The following HAUS8 variants were observed in gnomAD, a reference collection of about 807,000 sequenced individuals.
The protein encoded by HAUS8 is HAUS augmin-like complex subunit 8.
A neutral mutation model predicts 42.9 loss-of-function variants in HAUS8; 38 were observed. The observed-to-expected ratio is 0.89, with a 90% CI of 0.68 to 1.16. The LOEUF is 1.16. Among genes scored for constraint, HAUS8 ranks in the 50% most tolerant of loss-of-function variants. HAUS8 has a pLI of 0.00. For missense variants in HAUS8, 494 were observed against 511.6 expected (o/e 0.97, Z 0.33); for synonymous variants, 199 against 205.8 (o/e 0.97, Z 0.28).
At chr19:17,055,766 G>A in intron 9 of HAUS8, 95 bp downstream of exon 9, 1 of 1,343,762 alleles carries the variant, frequency 7.4e-7, no homozygotes, top group Non-Finnish European at 1.0e-6. Context: ...TGGGGAAGAG[G>A]GCACTTGCGG....
At chr19:17,068,099 CTTTTTTTTTTT>C (rs889723027) in intron 3 of HAUS8, among the ~76,000 whole-genome samples, 33 of 93,480 alleles carry the variant, frequency 3.5e-4, no homozygotes, top group Admixed American at 1.6e-3. Context: ...TTATTTTATT[CTTTTTTTTTTT>C]TTTTTTTTTT....
intron 1 of HAUS8, chr19:17,074,644 G>T (rs1185797190): frequency 6.6e-6 from 1 of 152,480 alleles, no homozygotes; most frequent in Non-Finnish European, 1.5e-5. Context: ...CGACCTGAGG[G>T]GGGTCCCTAC....
intron 8 of HAUS8, among the ~76,000 whole-genome samples, chr19:17,058,240 C>T (rs1192656155): frequency 6.6e-6 from 1 of 152,244 alleles, no homozygotes; most frequent in Admixed American, 6.5e-5. Context: ...GTACCCTGAC[C>T]CTGCAGGGGA....
intron 8 of HAUS8, among the ~76,000 whole-genome samples, chr19:17,057,033 C>T (rs2057331034): frequency 6.6e-6 from 1 of 152,188 alleles, no homozygotes; most frequent in South Asian, 2.1e-4. Flanking sequence ...GCATATGCCA[C>T]CACACTTGGC....
At chr19:17,070,695 G>A (rs542487552) in intron 2 of HAUS8, among the ~76,000 whole-genome samples, 11 of 152,274 alleles carry the variant, frequency 7.2e-5, no homozygotes, top group African/African-American at 2.6e-4. Flanking sequence ...TAGAGCCCCA[G>A]GGGCCCAGGA....
At chr19:17,075,198 C>T (rs1040256672) in intron 1 of HAUS8, 196 bp downstream of exon 1, 2 of 619,206 alleles carry the variant, frequency 3.2e-6, no homozygotes, top group Middle Eastern at 3.3e-4. Flanking sequence ...GGACGCGGAA[C>T]TCAGGGCCGG....
rs962522300 is a variant in HAUS8 at position 17,059,932 on chromosome 19, G to C, written c.325+65C>G. The C allele has an allele frequency of 5.2e-6, 6 of 1,151,924 alleles. No homozygotes were observed. In the Admixed American group the frequency reaches 6.9e-5, roughly 13 times the overall value. 71.4% of individuals were successfully genotyped at this position (1,151,924 alleles called of 1,614,324 possible). A position where few individuals can be genotyped will look rare whatever the true frequency, so the allele number is the denominator to read the frequency against. ...CCCCACTGTAGGCCAATTGTACTTT[G>C]GAAGCCCACTGAGACCTACTGCAAC... On this transcript the variant is annotated intron_variant, in intron 5 of 10. Coordinates refer to ENST00000253669, the MANE Select transcript of HAUS8 (RefSeq NM_033417.2).
At chr19:17,062,096 A>C (rs2057364323) in intron 4 of HAUS8, among the ~76,000 whole-genome samples, 1 of 152,150 alleles carries the variant, frequency 6.6e-6, no homozygotes, top group Admixed American at 6.5e-5. Flanking sequence ...GGTTGTTTTT[A>C]ATGTTACAAA....
intron 2 of HAUS8, among the ~76,000 whole-genome samples, chr19:17,070,478 T>G (rs138786548): frequency 6.6e-6 from 1 of 152,310 alleles, no homozygotes; most frequent in Non-Finnish European, 1.5e-5. Context: ...CTTATCACTT[T>G]GTCACCTCTC....
intron 3 of HAUS8, among the ~76,000 whole-genome samples, chr19:17,066,189 C>T (rs1329920002): frequency 1.3e-5 from 2 of 151,904 alleles, no homozygotes; most frequent in Non-Finnish European, 2.9e-5. Flanking sequence ...CAGGCTCAAG[C>T]AATCTTCCCA....
chr19:17,074,008 A>C, intron 1 of HAUS8: 1 of 131,264 alleles, frequency 7.6e-6, no homozygotes, highest in East Asian at 2.0e-4. Context: ...TCAATAAATA[A>C]ATAAATAAAA....
chr19:17,053,087 A>C lies in HAUS8; in HGVS notation c.788-121T>G, dbSNP rs377121919. On this transcript the variant is annotated intron_variant, in intron 9 of 10. Coordinates refer to ENST00000253669, the MANE Select transcript of HAUS8 (RefSeq NM_033417.2). ...CGGCTATCGCGCTGGAACCGTGGAG[A>C]GCGCACAGGGAAGAAGCAGAAGCCA... 4 of 1,169,574 alleles carry C rather than the reference A, an allele frequency of 3.4e-6. No individual in the cohort carries two copies. In the African/African-American group the frequency reaches 6.1e-5, roughly 18 times the overall value. 72.4% of individuals were successfully genotyped at this position (1,169,574 alleles called of 1,614,324 possible).
intron 3 of HAUS8, among the ~76,000 whole-genome samples, chr19:17,068,311 G>A (rs143172365): frequency 2.8e-4 from 42 of 151,814 alleles, no homozygotes; most frequent in Middle Eastern, 3.4e-3. Flanking sequence ...ACGGGGTTTC[G>A]CCATGTTGGC....
intron 10 of HAUS8, 33 bp from the exon 11 acceptor site, chr19:17,050,209 C>T: frequency 1.4e-6 from 2 of 1,453,774 alleles, no homozygotes; most frequent in Non-Finnish European, 1.8e-6. Flanking sequence ...TAACGGCTTT[C>T]ACCCTCTGAG....
At position 17,050,149 on chromosome 19, in the gene HAUS8, G is replaced by T. The variant is rs143118776; in HGVS notation, c.957C>A (p.Ser319=). 6 of 1,537,260 alleles carry T rather than the reference G, an allele frequency of 3.9e-6. No homozygotes were observed. Among genetic ancestry groups the T allele is most frequent in the Non-Finnish European group, 5.3e-6 (6 of 1,141,406 alleles). ...AGGCTGCCTCTTTGCTTGCCTCTGC[G>T]GAGAGTTCCAGCACCTGGGCAAAGC... is the stretch of plus-strand genomic sequence containing the variant. ...RRSFAQVLEL[S]AEASKEAALA... The change falls in exon 11 of 11, where the codon TCC becomes TCA. Residue 319 remains serine, a synonymous_variant. Coordinates refer to ENST00000253669, the MANE Select transcript of HAUS8 (RefSeq NM_033417.2).
chr19:17,072,780 C>T (rs1159649919), intron 2 of HAUS8, among the ~76,000 whole-genome samples: 2 of 151,848 alleles, frequency 1.3e-5, no homozygotes, highest in African/African-American at 4.8e-5. Flanking sequence ...GATGTACAGG[C>T]ACCCCTCATG....
At chr19:17,055,128 AAAAAAAAAAAAAAAAATATATATATATAT>A (rs2057312338) in intron 9 of HAUS8, 1 of 33,504 alleles carries the variant, frequency 3.0e-5, no homozygotes, top group Non-Finnish European at 5.2e-5. Flanking sequence ...AAAAAAAAAA[AAAAAAAAAAAAAAAAATATATATATATAT>A]ATATATATAT....
At chr19:17,063,120 C>G (rs576448314) in intron 3 of HAUS8, among the ~76,000 whole-genome samples, 2 of 152,160 alleles carry the variant, frequency 1.3e-5, no homozygotes, top group Non-Finnish European at 2.9e-5. Context: ...AAAGTTTTTA[C>G]ACATATGTTG....
At chr19:17,070,317 C>T (rs1213753122) in intron 2 of HAUS8, among the ~76,000 whole-genome samples, 1 of 152,154 alleles carries the variant, frequency 6.6e-6, no homozygotes, top group Non-Finnish European at 1.5e-5. Flanking sequence ...GGCACAACCA[C>T]TGCTCGTTCC....
Sources: gnomAD v4.1 joint callset for allele counts (sites outside exome capture counted in the v4.1 genomes callset) on GRCh38, gnomAD v4.1.1 for gene constraint, MANE v1.5 for transcripts, NCBI Gene and HGNC (gene_info 2026-07-23, HGNC 2026-07-21) for gene names.